Variants in GPC6 observed in about 807,000 individuals in gnomAD.
GPC6 encodes glypican 6.
In GPC6, 14 loss-of-function variants were observed where a neutral mutation model predicts 55.2. The ratio of observed to expected loss-of-function variants is 0.25; its 90% CI spans 0.17 to 0.40. GPC6 has a LOEUF of 0.40. Ranked by LOEUF, GPC6 falls within the 10% of genes least tolerant of loss-of-function variation. The pLI, the probability that GPC6 is intolerant of heterozygous loss-of-function variation, is 1.00. For missense variants in GPC6, 641 were observed against 708.5 expected (o/e 0.90, Z 1.08); for synonymous variants, 278 against 259.6 (o/e 1.07, Z -0.68).
At chr13:94,065,528 A>G (rs1884486994) in intron 4 of GPC6, among the ~76,000 whole-genome samples, 1 of 152,200 alleles carries the variant, frequency 6.6e-6, no homozygotes, top group Non-Finnish European at 1.5e-5. Context: ...TCTGCAACTG[A>G]CAATATTAAA....
At chr13:93,538,815 A>G (rs1200565382) in intron 1 of GPC6, among the ~76,000 whole-genome samples, 1 of 152,172 alleles carries the variant, frequency 6.6e-6, no homozygotes, top group East Asian at 1.9e-4. Flanking sequence ...TTTTCTCTTT[A>G]TGCACTGCCC....
chr13:93,494,341 G>T (rs2139362041), intron 1 of GPC6, among the ~76,000 whole-genome samples: 1 of 142,484 alleles, frequency 7.0e-6, no homozygotes, highest in African/African-American at 2.6e-5. Flanking sequence ...GACTAGGATT[G>T]CAACCCCTGC....
chr13:93,857,762 G>A (rs1809110384), intron 3 of GPC6, among the ~76,000 whole-genome samples: 1 of 151,432 alleles, frequency 6.6e-6, no homozygotes, highest in Non-Finnish European at 1.5e-5. Flanking sequence ...TGGGAGAACT[G>A]GCCTTTAAGT....
intron 3 of GPC6, among the ~76,000 whole-genome samples, chr13:93,960,815 CTTT>C: frequency 8.2e-6 from 1 of 122,238 alleles, no homozygotes; most frequent in Admixed American, 8.2e-5. Context: ...TTTTTTTTTT[CTTT>C]TTTTTTTTTT....
chr13:93,766,688 T>C (rs971819308), intron 2 of GPC6, among the ~76,000 whole-genome samples: 1 of 152,154 alleles, frequency 6.6e-6, no homozygotes, highest in Non-Finnish European at 1.5e-5. Context: ...TATCATTATT[T>C]ATCATTAAAT....
chr13:94,234,345 C>G (rs1430530837), intron 4 of GPC6, among the ~76,000 whole-genome samples: 1 of 152,014 alleles, frequency 6.6e-6, no homozygotes, highest in African/African-American at 2.4e-5. Context: ...TGTATTAATA[C>G]TAGGGTATCA....
intron 1 of GPC6, among the ~76,000 whole-genome samples, chr13:93,239,219 T>C (rs1035018346): frequency 1.3e-5 from 2 of 152,056 alleles, no homozygotes; most frequent in Admixed American, 1.3e-4. Context: ...CTGGGCTTCA[T>C]GTTGTTGGAA....
chr13:93,702,958 C>A (rs928293070), intron 2 of GPC6, among the ~76,000 whole-genome samples: 3 of 151,846 alleles, frequency 2.0e-5, no homozygotes, highest in African/African-American at 7.3e-5. Context: ...TCTTGTCATT[C>A]GTGTCTTTAT....
At chr13:93,326,404 A>G (rs1879654570) in intron 1 of GPC6, among the ~76,000 whole-genome samples, 1 of 152,070 alleles carries the variant, frequency 6.6e-6, no homozygotes, top group African/African-American at 2.4e-5. Context: ...AGTGTAGTTA[A>G]GAAGCTGGTT....
chr13:93,303,712 A>G (rs1878759292), intron 1 of GPC6, among the ~76,000 whole-genome samples: 1 of 152,088 alleles, frequency 6.6e-6, no homozygotes, highest in African/African-American at 2.4e-5. Flanking sequence ...TGGATTCACA[A>G]TACAAAGTGG....
intron 6 of GPC6, among the ~76,000 whole-genome samples, chr13:94,379,980 C>T (rs1001532761): frequency 6.6e-6 from 1 of 152,156 alleles, no homozygotes; most frequent in African/African-American, 2.4e-5. Flanking sequence ...GACCCAAGAA[C>T]GCACCCCGAA....
chr13:93,915,978 C>G (rs751822944), intron 3 of GPC6, among the ~76,000 whole-genome samples: 1 of 152,132 alleles, frequency 6.6e-6, no homozygotes, highest in Non-Finnish European at 1.5e-5. Context: ...TACAGGAAGC[C>G]AGGCCAAGAT....
chr13:94,366,778 C>T (rs1879306630), intron 6 of GPC6, among the ~76,000 whole-genome samples: 2 of 152,156 alleles, frequency 1.3e-5, no homozygotes, highest in Admixed American at 1.3e-4. Context: ...AGCTGTTCTC[C>T]AAAGCAGAGA....
At chr13:93,365,570 C>G in intron 1 of GPC6, among the ~76,000 whole-genome samples, 1 of 152,198 alleles carries the variant, frequency 6.6e-6, no homozygotes, top group South Asian at 2.1e-4. Flanking sequence ...CAATGAAACT[C>G]AGGTCCAGAG....
chr13:93,460,173 A>G (rs1186386715), intron 1 of GPC6, among the ~76,000 whole-genome samples: 2 of 152,184 alleles, frequency 1.3e-5, no homozygotes, highest in Admixed American at 6.5e-5. Flanking sequence ...GTTTCTGGTT[A>G]TGAACTGTTG....
chr13:93,631,294 C>T (rs1461282694), intron 2 of GPC6, among the ~76,000 whole-genome samples: 1 of 152,098 alleles, frequency 6.6e-6, no homozygotes. Context: ...ATGGCATGAA[C>T]TTCTGTGGCT....
At chr13:93,234,877 G>A (rs1876180690) in intron 1 of GPC6, among the ~76,000 whole-genome samples, 1 of 152,152 alleles carries the variant, frequency 6.6e-6, no homozygotes, top group Non-Finnish European at 1.5e-5. Flanking sequence ...AACAGTATCA[G>A]TGTCACTGAG....
chr13:93,250,957 G>A (rs111983063), intron 1 of GPC6, among the ~76,000 whole-genome samples: 6,280 of 152,206 alleles, frequency 0.041, 237 homozygotes, highest in East Asian at 0.18. Flanking sequence ...TGAAAGACAC[G>A]TCTCACATGG....
intron 1 of GPC6, among the ~76,000 whole-genome samples, chr13:93,500,163 C>T (rs1880468682): frequency 6.6e-6 from 1 of 152,096 alleles, no homozygotes; most frequent in Non-Finnish European, 1.5e-5. Context: ...TAAGCAATTC[C>T]AGGTTGGCAT....
Sources: gnomAD v4.1 joint callset for allele counts (sites outside exome capture counted in the v4.1 genomes callset) on GRCh38, gnomAD v4.1.1 for gene constraint, MANE v1.5 for transcripts, NCBI Gene and HGNC (gene_info 2026-07-23, HGNC 2026-07-21) for gene names.